The following SLC44A2 variants were observed in gnomAD, a reference collection of about 807,000 sequenced individuals.
SLC44A2 encodes the protein solute carrier family 44 member 2 (CTL2 blood group).
SLC44A2 carries 57 observed loss-of-function variants against 90.8 expected under a neutral mutation model. The ratio of observed to expected loss-of-function variants is 0.63; its 90% confidence interval spans 0.51 to 0.78. The LOEUF (loss-of-function observed/expected upper bound fraction) is 0.78. Among genes scored for constraint, SLC44A2 ranks in the 30% least tolerant of loss-of-function variants. The pLI is 0.00. For missense variants in SLC44A2, 794 were observed against 919.7 expected, an observed-to-expected ratio of 0.86 and a Z score of 1.77; for synonymous variants, 355 against 360.7, an observed-to-expected ratio of 0.98 and a Z score of 0.18.
chr19:10,605,119 A>C (rs989451511), intron 1 of SLC44A2, among the ~76,000 whole-genome samples: 4 of 152,202 alleles, frequency 2.6e-5, no homozygotes, highest in Non-Finnish European at 4.4e-5. Flanking sequence ...ATTGTGGCTG[A>C]CACCTGTAAT....
intron 1 of SLC44A2, among the ~76,000 whole-genome samples, chr19:10,614,894 C>A (rs2066842782): frequency 1.3e-5 from 2 of 149,630 alleles, no homozygotes; most frequent in South Asian, 4.2e-4. Context: ...TCTCTTGAAC[C>A]CGGGAGGTAG....
At chr19:10,611,775 T>C (rs576088824) in intron 1 of SLC44A2, among the ~76,000 whole-genome samples, 6 of 152,134 alleles carry the variant, frequency 3.9e-5, no homozygotes, top group South Asian at 4.1e-4. Context: ...TGAGCCGACA[T>C]TGTGCCACTG....
intron 4 of SLC44A2, among the ~76,000 whole-genome samples, chr19:10,629,952 G>A (rs550112039): frequency 2.2e-4 from 33 of 150,076 alleles, no homozygotes; most frequent in Non-Finnish European, 1.5e-5. Flanking sequence ...ACGGGGTTTC[G>A]CCACGTTGGC....
At chr19:10,606,671 A>T (rs1292648196) in intron 1 of SLC44A2, among the ~76,000 whole-genome samples, 5 of 151,114 alleles carry the variant, frequency 3.3e-5, no homozygotes, top group Admixed American at 1.3e-4. Context: ...ATGTTCTTGG[A>T]ATAGTGACGT....
In SLC44A2 at chr19:10,643,708, C is replaced by A; in HGVS notation, c.*323C>A. The A allele has an allele frequency of 4.0e-6, 1 of 252,248 alleles. No individual in the cohort carries two copies. The highest frequency in any genetic ancestry group is 7.8e-6 in the Non-Finnish European group (1 of 127,940). 15.6% of individuals were successfully genotyped at this position (252,248 alleles called of 1,614,324 possible). A position where few individuals can be genotyped will look rare whatever the true frequency, so the allele number is the denominator to read the frequency against. ...TGCTTCCTGTCCCCCGCTTACACGA[C>A]AACGGGCCAGACCACAGGAAGGACG... On this transcript the variant is annotated 3_prime_UTR_variant, in exon 22 of 22. Transcript: ENST00000335757.
chr19:10,643,015 G>A (rs749666524), intron 21 of SLC44A2: 3 of 1,556,162 alleles, frequency 1.9e-6, no homozygotes, highest in Non-Finnish European at 2.6e-6. Context: ...AAGCCGAGGA[G>A]TAGAGAGTGA....
intron 20 of SLC44A2, among the ~76,000 whole-genome samples, chr19:10,638,605 T>G (rs1388941940): frequency 6.6e-6 from 1 of 151,952 alleles, no homozygotes; most frequent in Non-Finnish European, 1.5e-5. Context: ...CCCCCACACC[T>G]GCCTAATTTT....
At chr19:10,642,884 G>A (rs751789598) in intron 21 of SLC44A2, 3 of 1,575,742 alleles carry the variant, frequency 1.9e-6, no homozygotes, top group Non-Finnish European at 2.6e-6. Context: ...GCCGGTTCCC[G>A]GGGGGAGCCC....
At chr19:10,621,059 G>C (rs954994994), upstream of SLC44A2, among the ~76,000 whole-genome samples, 2 of 152,016 alleles carry the variant, frequency 1.3e-5, no homozygotes. Flanking sequence ...CAAAGAGAAA[G>C]TCATAGGGGT....
intron 1 of SLC44A2, among the ~76,000 whole-genome samples, chr19:10,603,701 C>T (rs1229518063): frequency 6.6e-6 from 1 of 152,204 alleles, no homozygotes. Context: ...CCAGCCCAGT[C>T]CCCTGGAGGG....
In SLC44A2 at chr19:10,636,559, C is replaced by G; in HGVS notation, c.1470C>G (p.Leu490=). Reference sequence around the variant, plus strand: ...CGGACGACCTGCCGGCCTTCCCGCTCTTCTCTGCCTTTGGCCGGGCGCTCA... The same window carrying G: ...CGGACGACCTGCCGGCCTTCCCGCTGTTCTCTGCCTTTGGCCGGGCGCTCA... ...RKPDDLPAFP[L]FSAFGRALRY... The change falls in exon 15 of 22, where the codon CTC becomes CTG. Residue 490 remains leucine, a synonymous_variant. Transcript: ENST00000335757. The G allele has an allele frequency of 1.9e-6, 3 of 1,606,788 alleles. No individual in the cohort carries two copies. The highest frequency in any genetic ancestry group is 2.5e-6 in the Non-Finnish European group (3 of 1,178,202).
In SLC44A2 at chr19:10,637,805, C is replaced by T. The variant is rs755788238; in HGVS notation, c.1696-51C>T. 40 of 1,611,836 alleles carry T rather than the reference C, an allele frequency of 2.5e-5. No homozygotes were observed. In the African/African-American group the frequency reaches 4.7e-4, roughly 19 times the overall value. ...CAGCTCCTGCTGGGTGAGAGGACCA[C>T]CCCCCATGCCCACCCAGTGGGTCTG... is the stretch of plus-strand genomic sequence containing the variant. On this transcript the variant is annotated intron_variant, in intron 17 of 21. Coordinates refer to ENST00000335757, the MANE Select transcript of SLC44A2 (RefSeq NM_020428.4).
At chr19:10,613,886 C>T (rs1331053044) in intron 1 of SLC44A2, among the ~76,000 whole-genome samples, 3 of 152,048 alleles carry the variant, frequency 2.0e-5, no homozygotes, top group Admixed American at 6.6e-5. Flanking sequence ...GCCTACACAT[C>T]GATTGTAGCC....
At chr19:10,626,454 C>T (rs2066934795) in intron 2 of SLC44A2, among the ~76,000 whole-genome samples, 153 bp downstream of exon 2, 1 of 151,602 alleles carries the variant, frequency 6.6e-6, no homozygotes, top group African/African-American at 2.4e-5. Context: ...TGTCACCAGG[C>T]TGGAGTGCCG....
chr19:10,638,376 T>C (rs1038352079), intron 20 of SLC44A2, 61 bp downstream of exon 20: 74 of 1,489,586 alleles, frequency 5.0e-5, no homozygotes, highest in Non-Finnish European at 6.7e-5. Flanking sequence ...ATTTGCTTGG[T>C]CTTCTTTGAC....
At position 10,631,891 on chromosome 19, in the gene SLC44A2, CGCG is replaced by C; in HGVS notation, c.653_655del (p.Arg218del). The C allele has an allele frequency of 6.2e-7, 1 of 1,614,238 alleles. No individual in the cohort carries two copies. Among genetic ancestry groups the C allele is most frequent in the East Asian group, 2.2e-5 (1 of 44,888 alleles). On this transcript the variant is annotated inframe_deletion, in exon 9 of 22. Coordinates refer to ENST00000335757, the MANE Select transcript of SLC44A2 (RefSeq NM_020428.4). ...AGGAAAGCCAATGGAGTCCTAGAGG[CGCG>C]GCAACTCGCCATGCGCATATTTGAA... is the stretch of plus-strand genomic sequence containing the variant.
chr19:10,625,141 A>G (rs958643755), upstream of SLC44A2: 1 of 153,658 alleles, frequency 6.5e-6, no homozygotes, highest in Admixed American at 6.5e-5. Flanking sequence ...CTCAAAAAAA[A>G]AAAGCAGCAG....
chr19:10,629,793 G>A (rs1416006431), intron 4 of SLC44A2, among the ~76,000 whole-genome samples: 6 of 148,630 alleles, frequency 4.0e-5, no homozygotes, highest in African/African-American at 7.5e-5. Flanking sequence ...TCGCTCTGTC[G>A]CCCAGGCTGG....
chr19:10,631,987 C>A (rs970567682), intron 9 of SLC44A2, 36 bp downstream of exon 9: 1 of 1,612,392 alleles, frequency 6.2e-7, no homozygotes, highest in Middle Eastern at 1.7e-4. Context: ...CCCCTGGCTG[C>A]CCCCTCTAAG....
Sources: allele counts gnomAD v4.1 joint callset (sites outside exome capture counted in the v4.1 genomes callset), GRCh38; gene constraint gnomAD v4.1.1; transcripts MANE v1.5; gene names NCBI Gene and HGNC (gene_info 2026-07-23, HGNC 2026-07-21).